The following TK2 variants were observed in gnomAD, a reference collection of about 807,000 sequenced individuals.
TK2 encodes thymidine kinase 2, also known as thymidine kinase 2, mitochondrial.
In TK2, 35 loss-of-function variants were observed where a neutral mutation model predicts 41.9. The observed-to-expected ratio is 0.84, with a 90% CI of 0.64 to 1.11. TK2 has a LOEUF of 1.11. Among genes scored for constraint, TK2 ranks in the 50% least tolerant of loss-of-function variants. The probability of loss-of-function intolerance (pLI) is 0.00; values close to 1 mark genes in which losing one functional copy is unlikely to be tolerated. For missense variants in TK2, 320 were observed against 351.1 expected, an observed-to-expected ratio of 0.91 and a Z score of 0.71; for synonymous variants, 128 against 129.1, an observed-to-expected ratio of 0.99 and a Z score of 0.06.
At chr16:66,513,989 T>G (rs1964530700) in intron 8 of TK2, 178 bp from the exon 9 acceptor site, 2 of 683,706 alleles carry the variant, frequency 2.9e-6, no homozygotes, top group Admixed American at 2.0e-5. Flanking sequence ...ACACACTCGG[T>G]GGCCAGGCTG....
At chr16:66,544,242 T>C (rs1308331003) in intron 2 of TK2, among the ~76,000 whole-genome samples, 5 of 152,010 alleles carry the variant, frequency 3.3e-5, no homozygotes, top group African/African-American at 4.8e-5. Context: ...TCCCCTGAAA[T>C]GGAAGGGGGA....
chr16:66,515,961 C>T (rs944064993), intron 8 of TK2, among the ~76,000 whole-genome samples: 3 of 152,182 alleles, frequency 2.0e-5, no homozygotes, highest in African/African-American at 2.4e-5. Flanking sequence ...TGAATGCTTG[C>T]CCAGCCTCTG....
At chr16:66,550,224 G>C (rs1965757396), upstream of TK2, 4 of 1,609,706 alleles carry the variant, frequency 2.5e-6, no homozygotes, top group Non-Finnish European at 3.4e-6. Context: ...CGAAGGGAGA[G>C]GTTCGCCGCT....
chr16:66,512,960 C>T lies in TK2; in HGVS notation c.699+771G>A, dbSNP rs138006914. Among the ~76,000 whole-genome samples the T allele has an allele frequency of 2.7e-3, 413 of 152,292 alleles. 1 individual carries two copies. Among genetic ancestry groups the T allele is most frequent in the Non-Finnish European group, 4.4e-3 (298 of 68,026 alleles). On this transcript the variant is annotated intron_variant, in intron 9 of 9. Coordinates refer to ENST00000544898, the MANE Select transcript of TK2 (RefSeq NM_004614.5). ...CAAACAATGCTCCTATAGCCATGCACCAAAGCTTGCGCACAACCCTGCCTC... is the reference window on the plus strand; with the variant it reads ...CAAACAATGCTCCTATAGCCATGCATCAAAGCTTGCGCACAACCCTGCCTC...
At chr16:66,536,066 T>C (rs1250138875) in intron 4 of TK2, among the ~76,000 whole-genome samples, 1 of 152,006 alleles carries the variant, frequency 6.6e-6, no homozygotes, top group Non-Finnish European at 1.5e-5. Flanking sequence ...TAGCTGGGCA[T>C]GGTCGTGCGC....
chr16:66,517,914 G>T lies in TK2; in HGVS notation c.450-37C>A, dbSNP rs1964664906. On this transcript the variant is annotated intron_variant, in intron 6 of 9. Transcript: ENST00000544898. This position sits in a 1 kb window ranked among gnomAD's most constrained non-coding sequence, Gnocchi z 4.3. The stretch of plus-strand genomic sequence containing the variant: ...GTTGTAAGGGCTTATTCACCTAAGA[G>T]AAAACTTCTGGGCTATGCAATTCCC... The T allele has an allele frequency of 6.4e-7, 1 of 1,569,600 alleles. No individual in the cohort carries two copies. The highest frequency in any genetic ancestry group is 8.8e-7 in the Non-Finnish European group (1 of 1,139,376).
At chr16:66,524,854 G>A (rs1485330502) in intron 6 of TK2, 1 of 152,278 alleles carries the variant, frequency 6.6e-6, no homozygotes, top group African/African-American at 2.4e-5. Context: ...CCTTGGGCTA[G>A]TACCTCAGGA....
intron 8 of TK2, among the ~76,000 whole-genome samples, chr16:66,516,039 C>T (rs1964602593): frequency 6.6e-6 from 1 of 152,184 alleles, no homozygotes; most frequent in African/African-American, 2.4e-5. Context: ...CTACTAGGCA[C>T]CAGGCCCCAA....
intron 2 of TK2, among the ~76,000 whole-genome samples, chr16:66,548,449 C>T (rs1965675430): frequency 6.6e-6 from 1 of 152,336 alleles, no homozygotes; most frequent in East Asian, 1.9e-4. Flanking sequence ...CCCATGGACA[C>T]CAACCTGACC....
At chr16:66,542,306 A>C (rs926557733) in intron 2 of TK2, among the ~76,000 whole-genome samples, 2 of 152,126 alleles carry the variant, frequency 1.3e-5, no homozygotes, top group Non-Finnish European at 2.9e-5. Flanking sequence ...CCTTAACGAG[A>C]GCTTAATCAA....
At chr16:66,521,180 A>G (rs1964768596) in intron 6 of TK2, among the ~76,000 whole-genome samples, 1 of 152,262 alleles carries the variant, frequency 6.6e-6, no homozygotes, top group Non-Finnish European at 1.5e-5. Flanking sequence ...CAAATGAAGC[A>G]GTGTTAACTA....
intron 2 of TK2, among the ~76,000 whole-genome samples, chr16:66,542,870 C>T (rs760060161): frequency 3.9e-5 from 6 of 152,116 alleles, no homozygotes; most frequent in Non-Finnish European, 5.9e-5. Context: ...ACTCAAGACT[C>T]AGTAACTTTT....
chr16:66,548,166 T>G, intron 2 of TK2: 1 of 384,096 alleles, frequency 2.6e-6, no homozygotes, highest in East Asian at 7.4e-5. Flanking sequence ...CTTCTCCTAA[T>G]TTCAACAAAC....
intron 3 of TK2, among the ~76,000 whole-genome samples, chr16:66,537,353 A>C (rs1178719932): frequency 1.2e-4 from 19 of 152,118 alleles, no homozygotes; most frequent in Admixed American, 1.2e-3. Context: ...TGTGTATTCT[A>C]TCCCACCCCT....
intron 2 of TK2, 92 bp from the exon 3 acceptor site, chr16:66,542,045 G>A: frequency 7.3e-7 from 1 of 1,365,262 alleles, no homozygotes; most frequent in Non-Finnish European, 1.0e-6. Context: ...CATGTAACCA[G>A]CATAATTGGT....
Position 66,549,027 on chromosome 16 carries a change from TCA to T in TK2, c.125-20_125-19del, listed in dbSNP as rs1342918520. 1 of 1,613,522 alleles carries T rather than the reference TCA, an allele frequency of 6.2e-7. No homozygotes were observed. The highest frequency in any genetic ancestry group is 8.5e-7 in the Non-Finnish European group (1 of 1,179,592). Reference sequence around the variant, plus strand: ...TTCTTTATCTACAAAAGAAAGGAAATCAGTTTTTAAACTCACTTTTAAATAAC... The same window carrying T: ...TTCTTTATCTACAAAAGAAAGGAAATGTTTTTAAACTCACTTTTAAATAAC... On this transcript the variant is annotated intron_variant, in intron 1 of 9. Transcript: ENST00000544898.
intron 5 of TK2, among the ~76,000 whole-genome samples, chr16:66,530,914 G>T (rs1339703182): frequency 6.6e-6 from 1 of 151,944 alleles, no homozygotes; most frequent in African/African-American, 2.4e-5. Flanking sequence ...GTAGAGATGG[G>T]GTTTCACCAT....
intron 6 of TK2, among the ~76,000 whole-genome samples, chr16:66,520,184 G>A (rs1393004788): frequency 6.6e-6 from 1 of 152,206 alleles, no homozygotes; most frequent in Admixed American, 6.5e-5. Context: ...GGCTGGAGGA[G>A]TGGGAAGGAA....
intron 5 of TK2, 35 bp from the exon 6 acceptor site, chr16:66,529,102 G>C (rs373095713): frequency 3.1e-6 from 5 of 1,602,536 alleles, no homozygotes; most frequent in Non-Finnish European, 4.3e-6. Flanking sequence ...ACTAACTCAG[G>C]GGAAAAGGAG....
Sources: gnomAD v4.1 joint callset for allele counts (sites outside exome capture counted in the v4.1 genomes callset) on GRCh38, gnomAD v4.1.1 for gene constraint, Gnocchi (gnomAD v3.1) non-coding constraint, MANE v1.5 for transcripts, NCBI Gene and HGNC (gene_info 2026-07-23, HGNC 2026-07-21) for gene names.